The following SUB1 variants were observed in gnomAD, a reference collection of about 807,000 sequenced individuals.
SUB1 encodes the protein activated RNA polymerase II transcriptional coactivator p15.
A neutral mutation model predicts 16.9 loss-of-function variants in SUB1; 1 was observed. The ratio of observed to expected loss-of-function variants is 0.06; its 90% CI spans 0.02 to 0.28. SUB1 has a LOEUF of 0.28. SUB1 is among the 10% of genes least tolerant of loss of function. The pLI is 1.00. For missense variants in SUB1, 84 were observed against 145.2 expected (o/e 0.58, Z 2.16); for synonymous variants, 51 against 46.9 (o/e 1.09, Z -0.36).
At chr5:32,590,762 ATTTTTTTTTT>A (rs70961652) in intron 2 of SUB1, among the ~76,000 whole-genome samples, 3 of 33,962 alleles carry the variant, frequency 8.8e-5, no homozygotes, top group African/African-American at 2.1e-4. Context: ...CGCCTGGCTA[ATTTTTTTTTT>A]TTTTTTTTTT....
chr5:32,596,581 GAGATTTAGAGTCTTCCCCACCCC>G (rs1328860109), intron 3 of SUB1: 1 of 152,144 alleles, frequency 6.6e-6, no homozygotes, highest in African/African-American at 2.4e-5. Context: ...ATGTAAGATA[GAGATTTAGAGTCTTCCCCACCCC>G]AAATGCAGAT....
At position 32,601,177 on chromosome 5, in the gene SUB1, A is replaced by G. The variant is rs188149821; in HGVS notation, c.*93A>G. 769 of 1,019,742 alleles carry G rather than the reference A, an allele frequency of 7.5e-4. 4 individuals are homozygous for G. In the East Asian group the frequency reaches 0.015, roughly 19 times the overall value. 63.2% of individuals were successfully genotyped at this position (1,019,742 alleles called of 1,614,324 possible). ...TTGTTTTCTAAATGTTCTCCAAGCT[A>G]TTGTATGTTTGGATTGCAGAAGAAT... is the stretch of plus-strand genomic sequence containing the variant. On this transcript the variant is annotated 3_prime_UTR_variant, in exon 5 of 5. Coordinates refer to ENST00000265073, the MANE Select transcript of SUB1 (RefSeq NM_006713.4).
intron 4 of SUB1, among the ~76,000 whole-genome samples, chr5:32,599,510 C>G (rs1330687543): frequency 2.0e-5 from 3 of 152,186 alleles, no homozygotes; most frequent in Non-Finnish European, 4.4e-5. Context: ...CATCCAGTCC[C>G]AAGCCTCTTA....
chr5:32,598,036 T>C (rs1369680696), intron 3 of SUB1: 3 of 150,712 alleles, frequency 2.0e-5, no homozygotes, highest in Non-Finnish European at 4.4e-5. Flanking sequence ...CAGTCCGTGG[T>C]ACATATCAAG....
Position 32,604,039 on chromosome 5 carries a change from CTG to C in SUB1, c.*2958_*2959del, listed in dbSNP as rs1252717391. On this transcript the variant is annotated 3_prime_UTR_variant, in exon 5 of 5. Transcript: ENST00000265073. Reference sequence around the variant, plus strand: ...GAGATGTCTGAATATAATACTCCATCTGTGAATATTTTAAATGTTGAAATAAA... The same window carrying C: ...GAGATGTCTGAATATAATACTCCATCTGAATATTTTAAATGTTGAAATAAA... The C allele has an allele frequency of 6.6e-6, 1 of 151,984 alleles. No homozygotes were observed. The highest frequency in any genetic ancestry group is 1.5e-5 in the Non-Finnish European group (1 of 67,904). 9.4% of individuals were successfully genotyped at this position (151,984 alleles called of 1,614,324 possible). A position where few individuals can be genotyped will look rare whatever the true frequency, so the allele number is the denominator to read the frequency against.
intron 1 of SUB1, among the ~76,000 whole-genome samples, chr5:32,586,818 C>CA (rs1189882540): frequency 2.6e-5 from 4 of 152,300 alleles, no homozygotes; most frequent in Admixed American, 2.6e-4. Context: ...ATGAACATTG[C>CA]TTTTCCCTTC....
intron 1 of SUB1, among the ~76,000 whole-genome samples, chr5:32,588,267 G>T (rs73063648): frequency 4.0e-4 from 61 of 152,314 alleles, no homozygotes; most frequent in African/African-American, 1.4e-3. Flanking sequence ...AAGGTTAGAG[G>T]TGTAGGAGTG....
chr5:32,587,102 C>T (rs1037142673), intron 1 of SUB1, among the ~76,000 whole-genome samples: 1 of 152,064 alleles, frequency 6.6e-6, no homozygotes, highest in Non-Finnish European at 1.5e-5. Context: ...CTAATTTATG[C>T]CTAGTGTTCC....
In SUB1 at chr5:32,591,554, C is replaced by A; in HGVS notation, c.73-9C>A. 1 of 1,586,016 alleles carries A rather than the reference C, an allele frequency of 6.3e-7. No individual in the cohort carries two copies. Among genetic ancestry groups the A allele is most frequent in the Non-Finnish European group, 8.5e-7 (1 of 1,171,316 alleles). On this transcript the variant is annotated splice_polypyrimidine_tract_variant and intron_variant, in intron 2 of 4. Coordinates refer to ENST00000265073, the MANE Select transcript of SUB1 (RefSeq NM_006713.4). ...TATGTGTGCAAATTTTAACCATATT[C>A]TTTTCTAGTTAAAGAGGAAAAAGCA...
At chr5:32,598,566 C>G (rs547574472) in intron 3 of SUB1, 13 of 160,228 alleles carry the variant, frequency 8.1e-5, no homozygotes, top group African/African-American at 2.4e-4. Flanking sequence ...AATTAATACT[C>G]CATCTTTGTT....
In SUB1 at chr5:32,585,593, A is replaced by G. The variant is rs1258779602; in HGVS notation, c.-34A>G. The G allele has an allele frequency of 1.3e-5, 2 of 152,354 alleles. No individual in the cohort carries two copies. The highest frequency in any genetic ancestry group is 3.9e-4 in the East Asian group (2 of 5,170). 9.4% of individuals were successfully genotyped at this position (152,354 alleles called of 1,614,324 possible). ...TCTGTCAGTCGCGAGCGAACGACCA[A>G]GAGGGTGTTCGACTGCTAGAGCCGA... On this transcript the variant is annotated 5_prime_UTR_variant, in exon 1 of 5. Transcript: ENST00000265073.
chr5:32,589,186 T>G lies in SUB1; in HGVS notation c.72+602T>G, dbSNP rs563960689. On this transcript the variant is annotated intron_variant, in intron 2 of 4. Coordinates refer to ENST00000265073, the MANE Select transcript of SUB1 (RefSeq NM_006713.4). ...TCACTGCAGCCTCGACCTCCTGGTC[T>G]CAAGCAGTCCTCCCACCTCTGCCTC... 3.0e-4 allele frequency among the ~76,000 whole-genome samples: 45 copies of G among 152,204 alleles called. No individual in the cohort carries two copies. The South Asian group carries it at 9.1e-3, about 31-fold the overall frequency.
Position 32,601,284 on chromosome 5 carries a change from TTGTC to T in SUB1, c.*203_*206del, listed in dbSNP as rs760292632. ...ATTGTCAACTTTATTAAGGATTACT[TTGTC>T]TGCCCACCACCTAGTGTAAAATAAA... is the stretch of plus-strand genomic sequence containing the variant. On this transcript the variant is annotated 3_prime_UTR_variant, in exon 5 of 5. Coordinates refer to ENST00000265073, the MANE Select transcript of SUB1 (RefSeq NM_006713.4). 1.2e-5 allele frequency: 6 copies of T among 521,012 alleles called. No individual in the cohort carries two copies. Among genetic ancestry groups the T allele is most frequent in the African/African-American group, 5.9e-5 (3 of 50,730 alleles). The allele number at this position is 521,012 out of a possible 1,614,324, so 32.3% of individuals were successfully genotyped here. A position where few individuals can be genotyped will look rare whatever the true frequency, so the allele number is the denominator to read the frequency against.
chr5:32,591,388 G>C, intron 2 of SUB1, 175 bp from the exon 3 acceptor site: 1 of 849,410 alleles, frequency 1.2e-6, no homozygotes, highest in Non-Finnish European at 1.7e-6. Context: ...TTACTAGACA[G>C]AAGGATTGGT....
intron 4 of SUB1, among the ~76,000 whole-genome samples, chr5:32,600,261 A>G (rs545868923): frequency 1.3e-5 from 2 of 152,308 alleles, no homozygotes; most frequent in East Asian, 3.9e-4. Flanking sequence ...CGTCCTGGGA[A>G]TTTTTCCAAA....
chr5:32,589,853 CTTTT>C (rs72415836), intron 2 of SUB1, among the ~76,000 whole-genome samples: 2 of 149,564 alleles, frequency 1.3e-5, no homozygotes, highest in African/African-American at 4.9e-5. Flanking sequence ...GGCTCCCTAT[CTTTT>C]TTTTTTCCTC....
At chr5:32,595,921 T>A (rs1173720730) in intron 3 of SUB1, 1 of 152,248 alleles carries the variant, frequency 6.6e-6, no homozygotes, top group Non-Finnish European at 1.5e-5. Flanking sequence ...TCATTGTACA[T>A]CTTTAGTGTG....
chr5:32,589,549 A>G (rs1738764370), intron 2 of SUB1, among the ~76,000 whole-genome samples: 1 of 152,190 alleles, frequency 6.6e-6, no homozygotes, highest in Non-Finnish European at 1.5e-5. Flanking sequence ...CTTGAAACCC[A>G]TTGACAAGAT....
intron 3 of SUB1, chr5:32,594,652 C>T (rs1456151112): frequency 2.2e-6 from 1 of 451,224 alleles, no homozygotes; most frequent in East Asian, 7.0e-5. Flanking sequence ...AGCCCGAGCT[C>T]TGCCTCCTGT....
Sources: allele counts gnomAD v4.1 joint callset (sites outside exome capture counted in the v4.1 genomes callset), GRCh38; gene constraint gnomAD v4.1.1; transcripts MANE v1.5; gene names NCBI Gene and HGNC (gene_info 2026-07-23, HGNC 2026-07-21).